SHB: variants seen among roughly 807,000 people sequenced by gnomAD.
SHB encodes SH2 domain containing adaptor protein B.
Under a neutral mutation model 52.3 loss-of-function variants are expected in SHB, and 20 were observed. The ratio of observed to expected loss-of-function variants is 0.38; its 90% CI spans 0.27 to 0.56. SHB has a LOEUF of 0.56. Among genes scored for constraint, SHB ranks in the 20% least tolerant of loss-of-function variants. The pLI is 0.71. For synonymous variants in SHB, 397 were observed against 316.5 expected, an observed-to-expected ratio of 1.25 and a Z score of -2.70; for missense variants, 825 against 723.3, an observed-to-expected ratio of 1.14 and a Z score of -1.61.
chr9:38,040,610 G>T (rs112955807), intron 1 of SHB, among the ~76,000 whole-genome samples: 283 of 152,294 alleles, frequency 1.9e-3, no homozygotes, highest in Non-Finnish European at 3.5e-3. Flanking sequence ...GGCTGGGAGG[G>T]CTTCCTGGAG....
chr9:37,967,895 C>T (rs1820547744), intron 3 of SHB, among the ~76,000 whole-genome samples: 2 of 152,354 alleles, frequency 1.3e-5, no homozygotes, highest in Non-Finnish European at 2.9e-5. Context: ...CTCTCCCACC[C>T]AGGGGACCAG....
chr9:38,026,657 T>C (rs115886690), intron 1 of SHB, among the ~76,000 whole-genome samples: 167 of 152,372 alleles, frequency 1.1e-3, no homozygotes, highest in African/African-American at 3.5e-3. Context: ...TTTAAAATAA[T>C]GCTGTATCCT....
intron 2 of SHB, among the ~76,000 whole-genome samples, chr9:37,986,650 G>A (rs1240927351): frequency 6.6e-6 from 1 of 152,202 alleles, no homozygotes; most frequent in South Asian, 2.1e-4. Flanking sequence ...CAGGGCTCCA[G>A]AAAGCAAAAC....
At chr9:38,050,634 CA>C (rs752568435) in intron 1 of SHB, among the ~76,000 whole-genome samples, 3 of 152,126 alleles carry the variant, frequency 2.0e-5, no homozygotes, top group Non-Finnish European at 4.4e-5. Flanking sequence ...AATGTCCAAG[CA>C]TAAAATGACT....
intron 3 of SHB, among the ~76,000 whole-genome samples, chr9:37,961,419 G>A (rs932884672): frequency 3.3e-5 from 5 of 152,116 alleles, no homozygotes; most frequent in Admixed American, 6.5e-5. Context: ...CCAAAAAGCC[G>A]ATGGACCTCT....
intron 1 of SHB, among the ~76,000 whole-genome samples, chr9:38,052,025 G>A (rs937137382): frequency 2.6e-5 from 4 of 152,180 alleles, no homozygotes; most frequent in African/African-American, 7.2e-5. Flanking sequence ...TTCTTGCACT[G>A]CTGTCTTCTG....
intron 2 of SHB, among the ~76,000 whole-genome samples, chr9:37,985,900 G>C (rs7040417): frequency 6.6e-6 from 1 of 152,232 alleles, no homozygotes; most frequent in South Asian, 2.1e-4. Context: ...TGGGCACTGG[G>C]AGTAAATTAC....
At chr9:37,926,700 C>G (rs1832254909) in intron 5 of SHB, among the ~76,000 whole-genome samples, 1 of 152,252 alleles carries the variant, frequency 6.6e-6, no homozygotes, top group Admixed American at 6.5e-5. Flanking sequence ...AATTAGGCCA[C>G]TGTTTCAGTA....
Position 37,919,756 on chromosome 9 carries a change from G to A in SHB, c.*65C>T. On this transcript the variant is annotated 3_prime_UTR_variant, in exon 6 of 6. Transcript: ENST00000377707. ...GCCAGCAACAGTGGCTGGGCTGGTT[G>A]GTGGGGGGCCTCTGGCACCTCCAAG... 7.6e-7 allele frequency: 1 copy of A among 1,323,658 alleles called. No homozygotes were observed. Among genetic ancestry groups the A allele is most frequent in the Non-Finnish European group, 1.1e-6 (1 of 927,472 alleles). The allele number at this position is 1,323,658 out of a possible 1,614,324, so 82.0% of individuals were successfully genotyped here.
Position 37,979,130 on chromosome 9 carries a change from A to C in SHB, c.839-4293T>G, listed in dbSNP as rs146577066. Reference sequence around the variant, plus strand: ...CCAATCCATGAGGGTCCAGAGACCGATCTCACAAGGGAGTCTGTGACCATA... The same window carrying C: ...CCAATCCATGAGGGTCCAGAGACCGCTCTCACAAGGGAGTCTGTGACCATA... On this transcript the variant is annotated intron_variant, in intron 2 of 5. Transcript: ENST00000377707. Among the ~76,000 whole-genome samples the C allele has an allele frequency of 2.0e-3, 311 of 152,320 alleles. 1 individual carries two copies. The highest frequency in any genetic ancestry group is 0.01 in the Middle Eastern group (3 of 294).
chr9:38,068,095 C>G lies in SHB; in HGVS notation c.551G>C (p.Arg184Pro). ...CGCGGCGCTCTCCACTTTGATGAGG[C>G]GGTGCTTGGGGGAGATGTAGCGCAC... ...AEVRYISPKH[R>P]LIKVESAAGG... The change falls in exon 1 of 6, where the codon CGC becomes CCC. Residue 184 changes from arginine to proline, a missense_variant. By Grantham distance (103) the Arg-to-Pro change is moderately radical (BLOSUM62 -2). Coordinates refer to ENST00000377707, the MANE Select transcript of SHB (RefSeq NM_003028.3). 1 of 1,495,412 alleles carries G rather than the reference C, an allele frequency of 6.7e-7. No individual in the cohort carries two copies. Among genetic ancestry groups the G allele is most frequent in the African/African-American group, 1.5e-5 (1 of 68,720 alleles). 92.6% of individuals were successfully genotyped at this position (1,495,412 alleles called of 1,614,324 possible). A position where few individuals can be genotyped will look rare whatever the true frequency, so the allele number is the denominator to read the frequency against.
chr9:37,993,242 G>A (rs1006197272), intron 2 of SHB, among the ~76,000 whole-genome samples: 1 of 152,152 alleles, frequency 6.6e-6, no homozygotes, highest in African/African-American at 2.4e-5. Flanking sequence ...AGTGCGATGG[G>A]AACGGATGCC....
At chr9:38,048,186 A>G (rs139828716) in intron 1 of SHB, among the ~76,000 whole-genome samples, 74 of 152,322 alleles carry the variant, frequency 4.9e-4, no homozygotes, top group Middle Eastern at 3.4e-3. Flanking sequence ...AATGATTTGC[A>G]TTTGTTTTTA....
chr9:38,067,000 A>C (rs556533982), intron 1 of SHB, among the ~76,000 whole-genome samples: 101 of 152,304 alleles, frequency 6.6e-4, no homozygotes, highest in African/African-American at 2.4e-3. Context: ...CCACCAGAAG[A>C]CAGAACAAGT....
At chr9:37,955,171 T>C (rs529241918) in intron 4 of SHB, among the ~76,000 whole-genome samples, 110 of 152,354 alleles carry the variant, frequency 7.2e-4, no homozygotes, top group Non-Finnish European at 1.4e-3. Flanking sequence ...ATTTAGTTTA[T>C]ATTTAGTTTT....
At chr9:37,955,682 C>T (rs886849412) in intron 4 of SHB, among the ~76,000 whole-genome samples, 10 of 151,790 alleles carry the variant, frequency 6.6e-5, no homozygotes, top group Admixed American at 6.6e-4. Context: ...TAGAGACAGG[C>T]TCTCACTATG....
At chr9:37,982,977 C>CCCCCG (rs1554702678) in intron 2 of SHB, among the ~76,000 whole-genome samples, 9 of 145,716 alleles carry the variant, frequency 6.2e-5, no homozygotes, top group African/African-American at 2.3e-4. Flanking sequence ...TCTGGTGCCC[C>CCCCCG]CCCCTCCATC....
intron 3 of SHB, among the ~76,000 whole-genome samples, chr9:37,970,532 C>G (rs999473082): frequency 6.6e-6 from 1 of 152,144 alleles, no homozygotes; most frequent in African/African-American, 2.4e-5. Flanking sequence ...TTTTCTTGAA[C>G]GCAATTCGGG....
chr9:38,054,168 A>G (rs1410939485), intron 1 of SHB, among the ~76,000 whole-genome samples: 1 of 152,198 alleles, frequency 6.6e-6, no homozygotes, highest in Non-Finnish European at 1.5e-5. Flanking sequence ...AAAGCCAGTG[A>G]GTGTTTCATG....
Sources: gnomAD v4.1 joint callset for allele counts (sites outside exome capture counted in the v4.1 genomes callset) on GRCh38, gnomAD v4.1.1 for gene constraint, MANE v1.5 for transcripts, NCBI Gene and HGNC (gene_info 2026-07-23, HGNC 2026-07-21) for gene names.